Variants in PRDM4 observed in about 807,000 individuals in gnomAD.
PRDM4 encodes the protein PR/SET domain 4.
Under a neutral mutation model 62.3 loss-of-function variants are expected in PRDM4, and 38 were observed. The observed-to-expected ratio is 0.61, with a 90% CI of 0.47 to 0.80. PRDM4 has a LOEUF of 0.80. Ranked by LOEUF, PRDM4 falls within the 30% of genes least tolerant of loss-of-function variation. The probability of loss-of-function intolerance (pLI) is 0.00; values close to 1 mark genes in which losing one functional copy is unlikely to be tolerated. For missense variants in PRDM4, 858 were observed against 997.1 expected (o/e 0.86, Z 1.88); for synonymous variants, 339 against 348.2 (o/e 0.97, Z 0.30).
chr12:107,735,540 A>C (rs1890299536), intron 11 of PRDM4, among the ~76,000 whole-genome samples: 1 of 151,754 alleles, frequency 6.6e-6, no homozygotes, highest in Non-Finnish European at 1.5e-5. Context: ...CAATGTCTGG[A>C]GTCCTTTCTG....
Position 107,760,556 on chromosome 12 carries a change from G to T in PRDM4, c.-41C>A, listed in dbSNP as rs1378542096. 6.2e-7 allele frequency: 1 copy of T among 1,611,344 alleles called. No individual in the cohort carries two copies. ...TATCAGAGAAAGGAGCGCTCGGGTG[G>T]TGGGGAACAGGCATCAGGGTTTGCG... On this transcript the variant is annotated 5_prime_UTR_variant, in exon 2 of 12. Transcript: ENST00000228437.
Position 107,734,379 on chromosome 12 carries a change from G to C in PRDM4, c.2237C>G (p.Thr746Ser). Residue 746 changes from threonine (T) to serine (S), a missense_variant, in exon 12 of 12, where the codon ACC becomes AGC. Coordinates refer to ENST00000228437, the MANE Select transcript of PRDM4 (RefSeq NM_012406.4). ...TKAYLTKYHL[T>S]RHLKTCKGPT... Reference sequence around the variant, plus strand: ...CCCTTTGCAGGTTTTCAGGTGGCGGGTGAGATGGTATTTGGTTAGATAAGC... The same window carrying C: ...CCCTTTGCAGGTTTTCAGGTGGCGGCTGAGATGGTATTTGGTTAGATAAGC... 1.2e-6 allele frequency: 2 copies of C among 1,614,202 alleles called. No individual in the cohort carries two copies. The highest frequency in any genetic ancestry group is 1.7e-6 in the Non-Finnish European group (2 of 1,180,028).
intron 11 of PRDM4, among the ~76,000 whole-genome samples, chr12:107,737,180 G>A (rs974155437): frequency 6.6e-6 from 1 of 152,026 alleles, no homozygotes. Flanking sequence ...TTCCACTCTC[G>A]GGGGACACTA....
chr12:107,757,874 T>G (rs1425026279), intron 2 of PRDM4, among the ~76,000 whole-genome samples: 1 of 152,194 alleles, frequency 6.6e-6, no homozygotes, highest in Non-Finnish European at 1.5e-5. Flanking sequence ...AAAACAGCAC[T>G]GAAGGTTGTT....
At position 107,760,552 on chromosome 12, in the gene PRDM4, G is replaced by A; in HGVS notation, c.-37C>T. The stretch of plus-strand genomic sequence containing the variant: ...CAAATATCAGAGAAAGGAGCGCTCG[G>A]GTGGTGGGGAACAGGCATCAGGGTT... On this transcript the variant is annotated 5_prime_UTR_variant, in exon 2 of 12. Transcript: ENST00000228437. The A allele has an allele frequency of 6.2e-7, 1 of 1,611,994 alleles. No homozygotes were observed. The highest frequency in any genetic ancestry group is 8.5e-7 in the Non-Finnish European group (1 of 1,179,052).
chr12:107,758,502 G>A (rs1891132571), intron 2 of PRDM4: 1 of 151,954 alleles, frequency 6.6e-6, no homozygotes, highest in Non-Finnish European at 1.5e-5. Context: ...TTAAAGATGA[G>A]GAAACTTAAG....
rs1235265755 is a variant in PRDM4, at chr12:107,760,986, T to G, written c.-286A>C. 6.7e-6 allele frequency: 1 copy of G among 149,426 alleles called. No individual in the cohort carries two copies. Among genetic ancestry groups the G allele is most frequent in the Non-Finnish European group, 1.5e-5 (1 of 67,328 alleles). The allele number at this position is 149,426 out of a possible 1,614,324, so 9.3% of individuals were successfully genotyped here. On this transcript the variant is annotated 5_prime_UTR_variant, in exon 1 of 12. Transcript: ENST00000228437. ...CAGCTGCGCTGGGGGCGCACGCGCCTGCCCCACTGCTTTGTTCCTCATCCG... is the reference window on the plus strand; with the variant it reads ...CAGCTGCGCTGGGGGCGCACGCGCCGGCCCCACTGCTTTGTTCCTCATCCG...
intron 8 of PRDM4, among the ~76,000 whole-genome samples, chr12:107,742,900 C>T (rs1890565366): frequency 6.6e-6 from 1 of 151,656 alleles, no homozygotes; most frequent in Non-Finnish European, 1.5e-5. Context: ...AGAGCTGGGA[C>T]TACATGCATA....
At chr12:107,737,607 C>T (rs1005918253) in intron 11 of PRDM4, among the ~76,000 whole-genome samples, 15 of 152,144 alleles carry the variant, frequency 9.9e-5, no homozygotes, top group African/African-American at 3.4e-4. Flanking sequence ...CTTTAAGAAA[C>T]AATATATCCA....
In PRDM4 at chr12:107,748,944, T is replaced by C. The variant is rs186564898; in HGVS notation, c.1126+2471A>G. Among the ~76,000 whole-genome samples, 516 of 152,308 alleles carry C rather than the reference T, an allele frequency of 3.4e-3. 4 individuals carry two copies. The highest frequency in any genetic ancestry group is 0.012 in the African/African-American group (491 of 41,566). ...TCTGCTAAATTAGCCTTATATTCAT[T>C]ACATTCTTCGATTAAAACATTTTAA... On this transcript the variant is annotated intron_variant, in intron 5 of 11. Transcript: ENST00000228437.
In PRDM4 at chr12:107,760,555, G is replaced by T; in HGVS notation, c.-40C>A. Reference sequence around the variant, plus strand: ...ATATCAGAGAAAGGAGCGCTCGGGTGGTGGGGAACAGGCATCAGGGTTTGC... The same window carrying T: ...ATATCAGAGAAAGGAGCGCTCGGGTTGTGGGGAACAGGCATCAGGGTTTGC... On this transcript the variant is annotated 5_prime_UTR_variant, in exon 2 of 12. Transcript: ENST00000228437. 1 of 1,611,624 alleles carries T rather than the reference G, an allele frequency of 6.2e-7. No homozygotes were observed. The highest frequency in any genetic ancestry group is 8.5e-7 in the Non-Finnish European group (1 of 1,178,872).
intron 5 of PRDM4, among the ~76,000 whole-genome samples, chr12:107,750,977 C>A (rs1011714188): frequency 3.3e-5 from 5 of 152,132 alleles, no homozygotes; most frequent in African/African-American, 1.2e-4. Flanking sequence ...CATACTATAG[C>A]CTGAAACTCC....
At chr12:107,739,963 T>C (rs1233386149) in intron 10 of PRDM4, among the ~76,000 whole-genome samples, 5 of 151,532 alleles carry the variant, frequency 3.3e-5, no homozygotes, top group Admixed American at 2.6e-4. Flanking sequence ...TTTTAAAACA[T>C]ATAATATTGC....
chr12:107,741,125 G>C lies in PRDM4; in HGVS notation c.1745C>G (p.Pro582Arg). 1 of 1,614,110 alleles carries C rather than the reference G, an allele frequency of 6.2e-7. No individual in the cohort carries two copies. The highest frequency in any genetic ancestry group is 8.5e-7 in the Non-Finnish European group (1 of 1,180,028). The change falls in exon 10 of 12, where the codon CCA becomes CGA. Residue 582 changes from proline to arginine, a missense_variant. Pro to Arg is a moderately radical substitution (Grantham distance 103). Around this residue, in one of 3 missense-constraint regions of PRDM4, gnomAD observed 355 missense variants for 432.6 expected, o/e 0.82. Transcript: ENST00000228437. ...PTQGHSGSHG[P>R]SHSKERKWKC... ...CCACTTCCTTTCTTTGCTGTGACTT[G>C]GCCCATGGCTGCCGCTATGTCCCTG...
Position 107,736,629 on chromosome 12 carries a change from G to C in PRDM4, c.2094-2107C>G, listed in dbSNP as rs569223329. Reference sequence around the variant, plus strand: ...GAAAGCCACCAGAGATGTATGAGTGGAGACAGGCACAATCTGACTTATATT... The same window carrying C: ...GAAAGCCACCAGAGATGTATGAGTGCAGACAGGCACAATCTGACTTATATT... On this transcript the variant is annotated intron_variant, in intron 11 of 11. Coordinates refer to ENST00000228437, the MANE Select transcript of PRDM4 (RefSeq NM_012406.4). 92 of 152,430 alleles carry C rather than the reference G, an allele frequency of 6.0e-4. 1 individual carries two copies. Among genetic ancestry groups the C allele is most frequent in the Non-Finnish European group, 7.8e-4 (53 of 68,088 alleles). 9.4% of individuals were successfully genotyped at this position (152,430 alleles called of 1,614,324 possible).
At chr12:107,750,674 A>C (rs1303875462) in intron 5 of PRDM4, among the ~76,000 whole-genome samples, 1 of 152,102 alleles carries the variant, frequency 6.6e-6, no homozygotes, top group African/African-American at 2.4e-5. Context: ...AAGAATAATA[A>C]TTTATATGCA....
chr12:107,735,158 A>G (rs1003863632), intron 11 of PRDM4, among the ~76,000 whole-genome samples: 6 of 152,046 alleles, frequency 3.9e-5, no homozygotes, highest in African/African-American at 1.2e-4. Flanking sequence ...ATGCCACTGT[A>G]CCTGGCATTT....
chr12:107,735,113 G>A (rs1208066516), intron 11 of PRDM4, among the ~76,000 whole-genome samples: 1 of 152,050 alleles, frequency 6.6e-6, no homozygotes, highest in African/African-American at 2.4e-5. Flanking sequence ...TGATCTGTCC[G>A]CCTCAGCCTC....
Position 107,734,100 on chromosome 12 carries a change from G to C in PRDM4, c.*110C>G, listed in dbSNP as rs1183652029. 1 of 1,142,890 alleles carries C rather than the reference G, an allele frequency of 8.7e-7. No individual in the cohort carries two copies. Among genetic ancestry groups the C allele is most frequent in the African/African-American group, 1.6e-5 (1 of 63,988 alleles). The allele number at this position is 1,142,890 out of a possible 1,614,324, so 70.8% of individuals were successfully genotyped here. A position where few individuals can be genotyped will look rare whatever the true frequency, so the allele number is the denominator to read the frequency against. On this transcript the variant is annotated 3_prime_UTR_variant, in exon 12 of 12. Transcript: ENST00000228437. Reference sequence around the variant, plus strand: ...CATTCCCAGTCTGTTTTGATTACTGGCTGAAAATAAATCAGGAACCATTTT... The same window carrying C: ...CATTCCCAGTCTGTTTTGATTACTGCCTGAAAATAAATCAGGAACCATTTT...
Sources: allele counts gnomAD v4.1 joint callset (sites outside exome capture counted in the v4.1 genomes callset), GRCh38; gene constraint gnomAD v4.1.1; regional missense constraint gnomAD v4.1.1; transcripts MANE v1.5; gene names NCBI Gene and HGNC (gene_info 2026-07-23, HGNC 2026-07-21).